The following HMX1 variants were observed in gnomAD, a reference collection of about 807,000 sequenced individuals.
The protein encoded by HMX1 is H6 family homeobox 1, also known as homeobox protein HMX1.
In HMX1, 8 loss-of-function variants were observed where a neutral mutation model predicts 8.9. The ratio of observed to expected loss-of-function variants is 0.90; its 90% CI spans 0.53 to 1.63. The LOEUF (loss-of-function observed/expected upper bound fraction) is 1.63. Among genes scored for constraint, HMX1 ranks in the 40% most tolerant of loss-of-function variants. The probability of loss-of-function intolerance (pLI) is 0.00; values close to 1 mark genes in which losing one functional copy is unlikely to be tolerated. For missense variants in HMX1, 621 were observed against 558.5 expected (o/e 1.11, Z -1.13); for synonymous variants, 311 against 283.4 (o/e 1.10, Z -0.98).
intron 1 of HMX1, among the ~76,000 whole-genome samples, chr4:8,857,092 G>A (rs1296743371): frequency 6.6e-6 from 1 of 152,174 alleles, no homozygotes; most frequent in Non-Finnish European, 1.5e-5. Context: ...ATAACAAACC[G>A]AAACTCTGGC....
chr4:8,862,105 G>A (rs752175789), downstream of HMX1, among the ~76,000 whole-genome samples: 2 of 152,254 alleles, frequency 1.3e-5, no homozygotes, highest in Non-Finnish European at 2.9e-5. Context: ...ACCCGGAGGG[G>A]GCACCACGAC....
At chr4:8,851,854 G>A (rs1286746538) in intron 1 of HMX1, among the ~76,000 whole-genome samples, 2 of 152,242 alleles carry the variant, frequency 1.3e-5, no homozygotes, top group Admixed American at 6.5e-5. Flanking sequence ...GCCCAGGCCT[G>A]GGCACTGTGG....
chr4:8,867,585 A>C lies in HMX1; in HGVS notation c.*108T>G. Reference sequence around the variant, plus strand: ...GCTCCCGAGGTATCTAGGAGGCCGCAGGAGCGACCATCCCTTCCCTAACGC... The same window carrying C: ...GCTCCCGAGGTATCTAGGAGGCCGCCGGAGCGACCATCCCTTCCCTAACGC... On this transcript the variant is annotated 3_prime_UTR_variant, in exon 2 of 2. Transcript: ENST00000400677. 1 of 1,184,754 alleles carries C rather than the reference A, an allele frequency of 8.4e-7. No individual in the cohort carries two copies. Among genetic ancestry groups the C allele is most frequent in the Non-Finnish European group, 1.0e-6 (1 of 957,668 alleles). 73.4% of individuals were successfully genotyped at this position (1,184,754 alleles called of 1,614,324 possible).
chr4:8,847,713 T>G lies in HMX1; in HGVS notation c.395-1389A>C, dbSNP rs1259146608. ...CTGGAGCTGTGGTCTTTCCAGTATATGAGGCCTGCCTTGACTATACTGCCT... is the reference window on the plus strand; with the variant it reads ...CTGGAGCTGTGGTCTTTCCAGTATAGGAGGCCTGCCTTGACTATACTGCCT... On this transcript the variant is annotated intron_variant, in intron 1 of 1. Transcript: ENST00000506970. This position sits in a 1 kb window ranked among gnomAD's most constrained non-coding sequence, Gnocchi z 6.0. Among the ~76,000 whole-genome samples the G allele has an allele frequency of 6.6e-6, 1 of 152,188 alleles. No individual in the cohort carries two copies. The highest frequency in any genetic ancestry group is 6.5e-5 in the Admixed American group (1 of 15,282).
chr4:8,860,168 G>C (rs1721749295), intron 1 of HMX1, among the ~76,000 whole-genome samples: 1 of 152,350 alleles, frequency 6.6e-6, no homozygotes, highest in African/African-American at 2.4e-5. Flanking sequence ...GGCTGCCCTG[G>C]TGCCCCAGTG....
At chr4:8,866,065 G>GA (rs1721985637), downstream of HMX1, among the ~76,000 whole-genome samples, 1 of 152,220 alleles carries the variant, frequency 6.6e-6, no homozygotes, top group African/African-American at 2.4e-5. Flanking sequence ...CCCAGAGGCT[G>GA]AAGGAGGCCC....
chr4:8,852,252 C>T (rs532068732), intron 1 of HMX1, among the ~76,000 whole-genome samples: 22 of 152,380 alleles, frequency 1.4e-4, no homozygotes, highest in Non-Finnish European at 2.6e-4. Flanking sequence ...GCAAGGCAGA[C>T]ATCCAGTGAA....
At chr4:8,851,055 C>T (rs897826176) in intron 1 of HMX1, among the ~76,000 whole-genome samples, 3 of 152,276 alleles carry the variant, frequency 2.0e-5, no homozygotes, top group African/African-American at 2.4e-5. Flanking sequence ...GAATTCTGAA[C>T]GGCATTCCCA....
intron 1 of HMX1, among the ~76,000 whole-genome samples, chr4:8,858,139 C>G (rs922850221): frequency 9.2e-5 from 14 of 152,044 alleles, no homozygotes; most frequent in African/African-American, 2.4e-4. Flanking sequence ...AGGCCCCCGT[C>G]CATTTGGGGG....
Position 8,848,355 on chromosome 4 carries a change from T to TA in HMX1, c.395-2032dup, listed in dbSNP as rs1480659116. On this transcript the variant is annotated intron_variant, in intron 1 of 1. Coordinates refer to the HMX1 transcript ENST00000506970. The surrounding 1 kb of genome is among the most constrained non-coding windows in gnomAD (Gnocchi z 4.1). ...TAGCTACTAGAAAATTTATATCACA[T>TA]ATGTGGTTCACAGTCATAGCTTCTA... 3.3e-5 allele frequency among the ~76,000 whole-genome samples: 5 copies of TA among 152,246 alleles called. No individual in the cohort carries two copies. Among genetic ancestry groups the TA allele is most frequent in the Non-Finnish European group, 7.3e-5 (5 of 68,046 alleles).
chr4:8,847,461 C>A lies in HMX1; in HGVS notation c.395-1137G>T, dbSNP rs1381060670. 6.6e-6 allele frequency among the ~76,000 whole-genome samples: 1 copy of A among 152,134 alleles called. No homozygotes were observed. The highest frequency in any genetic ancestry group is 1.5e-5 in the Non-Finnish European group (1 of 68,036). On this transcript the variant is annotated intron_variant, in intron 1 of 1. Coordinates refer to the HMX1 transcript ENST00000506970. This position sits in a 1 kb window ranked among gnomAD's most constrained non-coding sequence, Gnocchi z 6.0. ...AAAGAGCTATTTCTGTAACGGGATG[C>A]CGCCAACAGACGGAAGCCACTGAGC...
intron 1 of HMX1, among the ~76,000 whole-genome samples, chr4:8,869,802 C>T (rs1008402167): frequency 6.6e-6 from 1 of 152,172 alleles, no homozygotes; most frequent in Non-Finnish European, 1.5e-5. Flanking sequence ...GACCCTAACC[C>T]GCATGGCACG....
downstream of HMX1, among the ~76,000 whole-genome samples, chr4:8,862,617 A>G (rs1721865836): frequency 6.6e-6 from 1 of 152,214 alleles, no homozygotes; most frequent in Non-Finnish European, 1.5e-5. Flanking sequence ...TAAAATAACA[A>G]TACGGCTTAA....
intron 1 of HMX1, among the ~76,000 whole-genome samples, chr4:8,852,139 C>G (rs367637746): frequency 1.3e-5 from 2 of 152,228 alleles, no homozygotes; most frequent in East Asian, 3.9e-4. Flanking sequence ...GAGTATTGAC[C>G]CTGCATTCAA....
Position 8,870,567 on chromosome 4 carries a change from C to G in HMX1, c.394+654G>C, listed in dbSNP as rs986427664. Among the ~76,000 whole-genome samples, 2 of 152,152 alleles carry G rather than the reference C, an allele frequency of 1.3e-5. No individual in the cohort carries two copies. Among genetic ancestry groups the G allele is most frequent in the Non-Finnish European group, 2.9e-5 (2 of 68,012 alleles). On this transcript the variant is annotated intron_variant, in intron 1 of 1. Transcript: ENST00000400677. The surrounding 1 kb of genome is among the most constrained non-coding windows in gnomAD (Gnocchi z 4.4). ...AAGGACCAAGAGGGAGACCCAGGCC[C>G]CTGCCCCAGGCTGTCTGCAGCGGGC... is the stretch of plus-strand genomic sequence containing the variant.
At position 8,867,899 on chromosome 4, in the gene HMX1, G is replaced by A; in HGVS notation, c.841C>T (p.Arg281Cys). The change falls in exon 2 of 2, where the codon CGC becomes TGC. Residue 281 changes from arginine to cysteine, a missense_variant. Arg to Cys is a radical substitution (Grantham distance 180, BLOSUM62 -3). Transcript: ENST00000400677. ...CTTTCGTGGTAGAGCACCGGCACGCGGACCAGGCGCTGCGCTCCCGGCGGG... is the reference window on the plus strand; with the variant it reads ...CTTTCGTGGTAGAGCACCGGCACGCAGACCAGGCGCTGCGCTCCCGGCGGG... ...LSPPGAQRLV[R>C]VPVLYHESPP... 1 of 1,377,076 alleles carries A rather than the reference G, an allele frequency of 7.3e-7. No homozygotes were observed. The highest frequency in any genetic ancestry group is 1.6e-5 in the South Asian group (1 of 61,508). The allele number at this position is 1,377,076 out of a possible 1,614,324, so 85.3% of individuals were successfully genotyped here. A position where few individuals can be genotyped will look rare whatever the true frequency, so the allele number is the denominator to read the frequency against.
At chr4:8,857,596 G>A (rs1440366167) in intron 1 of HMX1, among the ~76,000 whole-genome samples, 1 of 152,074 alleles carries the variant, frequency 6.6e-6, no homozygotes, top group African/African-American at 2.4e-5. Flanking sequence ...CCCTGCCTGT[G>A]GAACCCGCAG....
At chr4:8,866,658 C>G (rs1160915198), downstream of HMX1, among the ~76,000 whole-genome samples, 2 of 152,194 alleles carry the variant, frequency 1.3e-5, no homozygotes, top group Admixed American at 6.5e-5. Context: ...TTGTTTTGGC[C>G]CAAAGAAAAA....
chr4:8,860,972 C>T (rs1275510306), intron 1 of HMX1: 2 of 23,994 alleles, frequency 8.3e-5, no homozygotes, highest in Non-Finnish European at 1.8e-4. Context: ...GGGGCGAGGG[C>T]GGGGGAGGGG....
Sources: gnomAD v4.1 joint callset for allele counts (sites outside exome capture counted in the v4.1 genomes callset) on GRCh38, gnomAD v4.1.1 for gene constraint, Gnocchi (gnomAD v3.1) non-coding constraint, MANE v1.5 for transcripts, NCBI Gene and HGNC (gene_info 2026-07-23, HGNC 2026-07-21) for gene names.